LNPEP: variants seen among roughly 807,000 people sequenced by gnomAD.
LNPEP encodes leucyl and cystinyl aminopeptidase.
Under a neutral mutation model 120.6 loss-of-function variants are expected in LNPEP, and 64 were observed. The ratio of observed to expected loss-of-function variants is 0.53; its 90% CI spans 0.43 to 0.65. The LOEUF (loss-of-function observed/expected upper bound fraction) is 0.65. Ranked by LOEUF, LNPEP falls within the 30% of genes least tolerant of loss-of-function variation. LNPEP has a pLI of 0.00. For synonymous variants in LNPEP, 435 were observed against 425.4 expected (o/e 1.02, Z -0.28); for missense variants, 1,057 against 1,200.0 (o/e 0.88, Z 1.76).
intron 1 of LNPEP, among the ~76,000 whole-genome samples, chr5:96,961,754 A>G (rs1789613841): frequency 6.6e-6 from 1 of 152,160 alleles, no homozygotes; most frequent in Non-Finnish European, 1.5e-5. Context: ...CTTACAAAAC[A>G]TAATACAATG....
At chr5:97,022,275 A>G (rs1170371937) in intron 13 of LNPEP, 25 bp from the exon 14 acceptor site, 2 of 1,356,092 alleles carry the variant, frequency 1.5e-6, no homozygotes, top group Non-Finnish European at 2.1e-6. Context: ...TTATGAAGCC[A>G]TTATAATCTA....
chr5:97,021,302 A>C (rs980710020), intron 13 of LNPEP, among the ~76,000 whole-genome samples: 1 of 152,230 alleles, frequency 6.6e-6, no homozygotes, highest in Non-Finnish European at 1.5e-5. Flanking sequence ...AGTGTTAAAA[A>C]ACTGTTGAAT....
intron 6 of LNPEP, 131 bp from the exon 7 acceptor site, chr5:96,996,259 C>T: frequency 1.9e-6 from 1 of 530,972 alleles, no homozygotes; most frequent in Non-Finnish European, 3.4e-6. Context: ...TTTGTTTTAA[C>T]TATAGTATCA....
At chr5:96,936,260 A>C (rs1015539918) in intron 1 of LNPEP, 86 bp downstream of exon 1, 5 of 1,156,906 alleles carry the variant, frequency 4.3e-6, no homozygotes, top group Non-Finnish European at 5.7e-6. Context: ...GTCGGGCTGC[A>C]GCCGTCTCCC....
chr5:96,949,356 T>A (rs1220495916), intron 1 of LNPEP, among the ~76,000 whole-genome samples: 1 of 152,234 alleles, frequency 6.6e-6, no homozygotes, highest in Non-Finnish European at 1.5e-5. Flanking sequence ...CATAGGAGCA[T>A]GAACCCTATT....
chr5:97,020,828 A>G (rs749814026), intron 13 of LNPEP, among the ~76,000 whole-genome samples: 12 of 152,068 alleles, frequency 7.9e-5, no homozygotes, highest in Non-Finnish European at 1.8e-4. Context: ...ATACCTAAAA[A>G]CATTTTTTAT....
At chr5:96,960,879 TG>T (rs1328146160) in intron 1 of LNPEP, among the ~76,000 whole-genome samples, 1 of 119,844 alleles carries the variant, frequency 8.3e-6, no homozygotes, top group Non-Finnish European at 1.9e-5. Flanking sequence ...TCAAAAAATA[TG>T]TTTTTTTTTT....
chr5:96,991,719 A>G (rs1038194715), intron 4 of LNPEP, among the ~76,000 whole-genome samples: 4 of 152,126 alleles, frequency 2.6e-5, no homozygotes, highest in African/African-American at 9.7e-5. Context: ...CCTTTGTCAG[A>G]TGTATAGATT....
Position 97,035,197 on chromosome 5 carries a change from TAGTC to T in LNPEP, c.*6667_*6670del, listed in dbSNP as rs760950101. 6.6e-5 allele frequency: 10 copies of T among 151,996 alleles called. No homozygotes were observed. The highest frequency in any genetic ancestry group is 2.1e-4 in the South Asian group (1 of 4,818). 9.4% of individuals were successfully genotyped at this position (151,996 alleles called of 1,614,324 possible). ...GGGGAGGGGTTCTTTGGGTGGGTAA[TAGTC>T]AGGGGGAAAGGACAGTGTCTATACT... On this transcript the variant is annotated 3_prime_UTR_variant, in exon 18 of 18. Coordinates refer to ENST00000231368, the MANE Select transcript of LNPEP (RefSeq NM_005575.3).
intron 1 of LNPEP, among the ~76,000 whole-genome samples, chr5:96,972,557 C>A (rs1354683970): frequency 6.6e-6 from 1 of 152,026 alleles, no homozygotes; most frequent in African/African-American, 2.4e-5. Flanking sequence ...CTGCACGTGC[C>A]CCCCTTCACC....
intron 1 of LNPEP, among the ~76,000 whole-genome samples, chr5:96,939,793 G>T (rs1278748993): frequency 1.3e-5 from 2 of 151,848 alleles, no homozygotes; most frequent in African/African-American, 2.4e-5. Flanking sequence ...GATATTTGTG[G>T]GTTGTAATAC....
At chr5:96,971,935 A>G (rs548651231) in intron 1 of LNPEP, among the ~76,000 whole-genome samples, 6 of 152,248 alleles carry the variant, frequency 3.9e-5, no homozygotes, top group African/African-American at 1.2e-4. Context: ...ACTAAATACA[A>G]TGCAATATCT....
In LNPEP at chr5:97,006,112, A is replaced by G. The variant is rs777470443; in HGVS notation, c.1825A>G (p.Thr609Ala). The G allele has an allele frequency of 6.3e-7, 1 of 1,581,338 alleles. No homozygotes were observed. Among genetic ancestry groups the G allele is most frequent in the South Asian group, 1.1e-5 (1 of 87,372 alleles). Residue 609 changes from threonine to alanine, a missense_variant, in exon 10 of 18, where the codon ACC (threonine) becomes GCC (alanine). Transcript: ENST00000231368. ...QTLDVKRMMK[T>A]WTLQKGFPLV... The stretch of plus-strand genomic sequence containing the variant: ...ACTAGATGTAAAGAGAATGATGAAA[A>G]CCTGGACCCTGCAGAAAGGATTTCC...
intron 6 of LNPEP, among the ~76,000 whole-genome samples, chr5:96,995,067 CA>C (rs1380766141): frequency 1.1e-4 from 16 of 152,086 alleles, no homozygotes; most frequent in Non-Finnish European, 1.2e-4. Flanking sequence ...GAGTTTGCAC[CA>C]GTGCACTCCC....
chr5:96,976,004 G>A (rs1789983534), intron 1 of LNPEP, among the ~76,000 whole-genome samples: 2 of 152,114 alleles, frequency 1.3e-5, no homozygotes, highest in Admixed American at 1.3e-4. Context: ...GATTTAAGAG[G>A]TTTTAGAAAA....
chr5:97,012,402 A>G (rs1790954783), intron 11 of LNPEP, among the ~76,000 whole-genome samples: 1 of 152,140 alleles, frequency 6.6e-6, no homozygotes, highest in Non-Finnish European at 1.5e-5. Context: ...GTTACTTTAA[A>G]AGGGGGTAAA....
intron 13 of LNPEP, among the ~76,000 whole-genome samples, 179 bp from the exon 14 acceptor site, chr5:97,022,121 G>A (rs368588777): frequency 1.9e-4 from 28 of 151,230 alleles, no homozygotes; most frequent in Non-Finnish European, 3.4e-4. Context: ...TACAGATGTC[G>A]TTTCACCGTG....
In LNPEP at chr5:96,988,282, T is replaced by C. The variant is rs116625293; in HGVS notation, c.1131+1612T>C. Among the ~76,000 whole-genome samples, 483 of 152,038 alleles carry C rather than the reference T, an allele frequency of 3.2e-3. 6 individuals carry two copies. The highest frequency in any genetic ancestry group is 0.011 in the African/African-American group (454 of 41,502). ...ATTCAGCAATATTTCTTTTCTTGTT[T>C]AAAATTTATTTTTTCCACCCATCTG... On this transcript the variant is annotated intron_variant, in intron 4 of 17. Coordinates refer to ENST00000231368, the MANE Select transcript of LNPEP (RefSeq NM_005575.3).
intron 4 of LNPEP, 107 bp from the exon 5 acceptor site, chr5:96,992,908 T>C: frequency 1.3e-6 from 1 of 777,644 alleles, no homozygotes; most frequent in Non-Finnish European, 2.0e-6. Flanking sequence ...AAGGATCTCA[T>C]ACAATTCTAT....
Sources: gnomAD v4.1 joint callset for allele counts (sites outside exome capture counted in the v4.1 genomes callset) on GRCh38, gnomAD v4.1.1 for gene constraint, MANE v1.5 for transcripts, NCBI Gene and HGNC (gene_info 2026-07-23, HGNC 2026-07-21) for gene names.